Variants in C19orf47 observed in about 807,000 individuals in gnomAD.
C19orf47 encodes chromosome 19 open reading frame 47.
C19orf47 carries 18 observed loss-of-function variants against 32.3 expected under a neutral mutation model. The observed-to-expected ratio is 0.56, with a 90% confidence interval of 0.39 to 0.83. The LOEUF (loss-of-function observed/expected upper bound fraction) is 0.83. Among genes scored for constraint, C19orf47 ranks in the 40% least tolerant of loss-of-function variants. The probability of loss-of-function intolerance (pLI) is 0.00; values close to 1 mark genes in which losing one functional copy is unlikely to be tolerated. For missense variants in C19orf47, 484 were observed against 531.6 expected (o/e 0.91, Z 0.88); for synonymous variants, 202 against 211.1 (o/e 0.96, Z 0.37).
At chr19:40,317,360 G>C (rs1159449316), downstream of C19orf47, among the ~76,000 whole-genome samples, 1 of 152,146 alleles carries the variant, frequency 6.6e-6, no homozygotes, top group Non-Finnish European at 1.5e-5. Flanking sequence ...TTGGAAAGCT[G>C]AGATGGGAGG....
At chr19:40,339,851 A>T (rs1369119517) in intron 2 of C19orf47, among the ~76,000 whole-genome samples, 1 of 151,982 alleles carries the variant, frequency 6.6e-6, no homozygotes, top group Non-Finnish European at 1.5e-5. Context: ...CATGCCTGTA[A>T]TCCCAGCTAC....
chr19:40,306,560 G>A, the C19orf47 span, among the ~76,000 whole-genome samples: 3 of 151,476 alleles, frequency 2.0e-5, no homozygotes, highest in East Asian at 2.0e-4. Flanking sequence ...CCACCATCAC[G>A]CCCAGCTGAT....
the C19orf47 span, among the ~76,000 whole-genome samples, chr19:40,295,274 C>T: frequency 1.3e-5 from 2 of 152,094 alleles, no homozygotes; most frequent in African/African-American, 2.4e-5. Context: ...CCTGCCTCAG[C>T]CTCCCAAAGT....
chr19:40,343,027 T>C (rs1448996873), intron 1 of C19orf47, among the ~76,000 whole-genome samples: 3 of 152,192 alleles, frequency 2.0e-5, no homozygotes, highest in Admixed American at 6.5e-5. Flanking sequence ...AAAAGCAGTG[T>C]TGAATGGGAA....
chr19:40,300,979 C>T, the C19orf47 span, among the ~76,000 whole-genome samples: 194 of 152,132 alleles, frequency 1.3e-3, 2 homozygotes, highest in African/African-American at 4.3e-3. Context: ...TAGAGAATCC[C>T]GATCTCTACT....
chr19:40,341,211 G>A (rs1451230964), intron 2 of C19orf47, among the ~76,000 whole-genome samples: 1 of 151,576 alleles, frequency 6.6e-6, no homozygotes, highest in Non-Finnish European at 1.5e-5. Flanking sequence ...GCACGCGCCT[G>A]TAATCCCAGC....
intron 6 of C19orf47, among the ~76,000 whole-genome samples, chr19:40,327,662 C>T (rs2077862363): frequency 6.6e-6 from 1 of 152,050 alleles, no homozygotes; most frequent in African/African-American, 2.4e-5. Flanking sequence ...ATGGGTCCAG[C>T]AAAGGCTTAA....
upstream of C19orf47, chr19:40,348,478 A>T: frequency 6.7e-7 from 1 of 1,496,664 alleles, no homozygotes. Flanking sequence ...GCTCTACCCC[A>T]ACAGGCCGCC....
At chr19:40,331,759 G>A (rs190404937) in intron 5 of C19orf47, among the ~76,000 whole-genome samples, 15 of 152,238 alleles carry the variant, frequency 9.9e-5, no homozygotes, top group African/African-American at 3.1e-4. Flanking sequence ...GGTATCTGTC[G>A]GGTGCGGTGG....
chr19:40,293,002 T>A, the C19orf47 span, among the ~76,000 whole-genome samples: 1 of 152,122 alleles, frequency 6.6e-6, no homozygotes, highest in Non-Finnish European at 1.5e-5. Context: ...CACCCTCCCA[T>A]AACTTATGTC....
intron 2 of C19orf47, 22 bp from the exon 3 acceptor site, chr19:40,336,429 A>T (rs1350927631): frequency 6.3e-7 from 1 of 1,594,744 alleles, no homozygotes; most frequent in East Asian, 2.3e-5. Context: ...GACAGGGCTC[A>T]TTACTCACAC....
In C19orf47 at chr19:40,333,926, T is replaced by C. The variant is rs546870200; in HGVS notation, c.226A>G (p.Met76Val). 3.8e-6 allele frequency: 6 copies of C among 1,563,056 alleles called. No homozygotes were observed. Among genetic ancestry groups the C allele is most frequent in the South Asian group, 2.4e-5 (2 of 84,656 alleles). The change falls in exon 5 of 9, where the codon ATG becomes GTG. Residue 76 changes from methionine to valine, a missense_variant. By Grantham distance (21) the Met-to-Val change is conservative. This residue lies in a region of C19orf47 where 376 missense variants were observed against 370.2 expected (regional missense o/e 1.02). Transcript: ENST00000683109. ...ACTGACTCAGTGGCAGCTTTGCACA[T>C]GTCCTGTGAAAAAAGAACAGGCACC... is the stretch of plus-strand genomic sequence containing the variant. ...KHAKVVHRQD[M>V]CKAATESVPC... is the part of the protein sequence containing the mutation.
the C19orf47 span, among the ~76,000 whole-genome samples, chr19:40,297,380 A>G: frequency 3.9e-5 from 6 of 152,178 alleles, no homozygotes; most frequent in Non-Finnish European, 8.8e-5. Flanking sequence ...AGCCTGGCCA[A>G]CATAGTGAAA....
chr19:40,314,598 ATGAC>A (rs2077650137), downstream of C19orf47, among the ~76,000 whole-genome samples: 1 of 152,228 alleles, frequency 6.6e-6, no homozygotes, highest in South Asian at 2.1e-4. Context: ...ATAAAAATAA[ATGAC>A]TAAGTTACTA....
At chr19:40,322,502 C>T (rs1568604293) in intron 8 of C19orf47, 126 bp from the exon 9 acceptor site, 9 of 1,205,840 alleles carry the variant, frequency 7.5e-6, no homozygotes, top group Non-Finnish European at 5.6e-6. Context: ...CACTGACACC[C>T]CAGATAGTGG....
At chr19:40,323,530 G>A (rs1046144755) in intron 8 of C19orf47, among the ~76,000 whole-genome samples, 14 of 152,290 alleles carry the variant, frequency 9.2e-5, no homozygotes, top group African/African-American at 2.2e-4. Flanking sequence ...GTGAGGGGAC[G>A]GGCCCTGTCC....
chr19:40,338,779 A>T (rs1325550724), intron 2 of C19orf47, among the ~76,000 whole-genome samples: 1 of 152,112 alleles, frequency 6.6e-6, no homozygotes, highest in Non-Finnish European at 1.5e-5. Flanking sequence ...CGGCCTCCCA[A>T]AGTGCTGGGA....
chr19:40,302,018 G>A, the C19orf47 span, among the ~76,000 whole-genome samples: 7 of 151,780 alleles, frequency 4.6e-5, no homozygotes, highest in South Asian at 8.3e-4. Context: ...AACATTAGCC[G>A]GGCATGGTGG....
upstream of C19orf47, chr19:40,348,495 G>A (rs915503217): frequency 6.7e-7 from 1 of 1,496,096 alleles, no homozygotes; most frequent in Non-Finnish European, 8.9e-7. Context: ...CGCCACCAGC[G>A]AGAGTGCGGC....
Sources: gnomAD v4.1 joint callset for allele counts (sites outside exome capture counted in the v4.1 genomes callset) on GRCh38, gnomAD v4.1.1 for gene constraint, gnomAD v4.1.1 regional missense constraint, MANE v1.5 for transcripts, NCBI Gene and HGNC (gene_info 2026-07-23, HGNC 2026-07-21) for gene names.